The following PTPRC variants were observed in gnomAD, a reference collection of about 807,000 sequenced individuals.
PTPRC encodes the protein receptor-type tyrosine-protein phosphatase C.
In PTPRC, 44 loss-of-function variants were observed where a neutral mutation model predicts 155.9. The ratio of observed to expected loss-of-function variants is 0.28; its 90% CI spans 0.22 to 0.36. The LOEUF is 0.36. Ranked by LOEUF, PTPRC falls within the 10% of genes least tolerant of loss-of-function variation. PTPRC has a pLI of 1.00. For missense variants in PTPRC, 1,401 were observed against 1,564.6 expected (o/e 0.90, Z 1.76); for synonymous variants, 525 against 533.1 (o/e 0.98, Z 0.21).
intron 3 of PTPRC, chr1:198,692,682 G>T: frequency 7.5e-6 from 7 of 934,442 alleles, no homozygotes; most frequent in Non-Finnish European, 9.0e-6. Flanking sequence ...ATAAAAAAAT[G>T]CATTTAAATT....
rs1322727034 is a variant in PTPRC at position 198,703,364 on chromosome 1, C to T, written c.650C>T (p.Thr217Ile). ...TCTGGAAGCGCTGTCATTTCAACCA[C>T]AACAATAGGTGATATTACCCTCAGT... ...SPSGSAVISTTTIATTPSKPT... is the reference protein window; with the variant it reads ...SPSGSAVISTITIATTPSKPT... Residue 217 changes from threonine (T) to isoleucine (I), a missense_variant, in exon 7 of 33, where the codon ACA becomes ATA. Transcript: ENST00000442510. The T allele has an allele frequency of 6.2e-7, 1 of 1,612,896 alleles. No individual in the cohort carries two copies. Among genetic ancestry groups the T allele is most frequent in the South Asian group, 1.1e-5 (1 of 91,080 alleles).
intron 32 of PTPRC, among the ~76,000 whole-genome samples, chr1:198,755,309 A>G (rs1418395345): frequency 6.6e-6 from 1 of 152,094 alleles, no homozygotes; most frequent in Admixed American, 6.6e-5. Flanking sequence ...ATCCTTATTC[A>G]CAGTGTAAAC....
chr1:198,752,964 T>C (rs1246513344), intron 31 of PTPRC, among the ~76,000 whole-genome samples, 192 bp downstream of exon 31: 1 of 152,092 alleles, frequency 6.6e-6, no homozygotes, highest in African/African-American at 2.4e-5. Context: ...GATTATATTA[T>C]AGTGCAATAA....
At chr1:198,685,701 C>T (rs1184713472) in intron 2 of PTPRC, among the ~76,000 whole-genome samples, 2 of 152,028 alleles carry the variant, frequency 1.3e-5, no homozygotes, top group African/African-American at 4.8e-5. Flanking sequence ...GAAAGCCATA[C>T]ATATCTGTTT....
At position 198,749,635 on chromosome 1, in the gene PTPRC, TA is replaced by T; in HGVS notation, c.3072+90del. Reference sequence around the variant, plus strand: ...TAGGGCCATTCATTAAGCGATTTTATAAAAGAATAATGAGCTTGGTCATAAC... The same window carrying T: ...TAGGGCCATTCATTAAGCGATTTTATAAAGAATAATGAGCTTGGTCATAAC... On this transcript the variant is annotated intron_variant, in intron 28 of 32. Coordinates refer to ENST00000442510, the MANE Select transcript of PTPRC (RefSeq NM_002838.5). The T allele has an allele frequency of 1.9e-5, 25 of 1,330,702 alleles. No homozygotes were observed. In the South Asian group the frequency reaches 3.1e-4, roughly 16 times the overall value. The allele number at this position is 1,330,702 out of a possible 1,614,324, so 82.4% of individuals were successfully genotyped here. A position where few individuals can be genotyped will look rare whatever the true frequency, so the allele number is the denominator to read the frequency against.
At chr1:198,655,391 A>G (rs779665042) in intron 2 of PTPRC, among the ~76,000 whole-genome samples, 5 of 152,084 alleles carry the variant, frequency 3.3e-5, no homozygotes, top group Non-Finnish European at 5.9e-5. Context: ...GAAAATTGAA[A>G]CTCATAGATA....
intron 14 of PTPRC, among the ~76,000 whole-genome samples, chr1:198,721,449 C>T (rs1292673707): frequency 6.6e-6 from 1 of 151,968 alleles, no homozygotes; most frequent in South Asian, 2.1e-4. Context: ...TATCGTTTGT[C>T]ACTAATTTCT....
intron 2 of PTPRC, among the ~76,000 whole-genome samples, chr1:198,687,852 GT>G (rs1665717303): frequency 6.6e-6 from 1 of 151,964 alleles, no homozygotes; most frequent in East Asian, 1.9e-4. Context: ...TTTTAAAGTA[GT>G]TTTTAATTTA....
chr1:198,712,866 T>C, intron 11 of PTPRC, 87 bp from the exon 12 acceptor site: 1 of 1,339,652 alleles, frequency 7.5e-7, no homozygotes, highest in South Asian at 1.2e-5. Flanking sequence ...CAAAATATGG[T>C]TATCAATAAT....
rs1557979011 is a variant in PTPRC at position 198,665,079 on chromosome 1, C to CCTTTTTTTTTTTTTTTTTTTTT, written c.73+25738_73+25739insCTTTTTTTTTTTTTTTTTTTTT. On this transcript the variant is annotated intron_variant, in intron 2 of 32. Coordinates refer to ENST00000442510, the MANE Select transcript of PTPRC (RefSeq NM_002838.5). ...GAGTGTTTTTAGAACATCCCGGCAG[C>CCTTTTTTTTTTTTTTTTTTTTT]ATTTTTTTTTTTTTTTTTTTTTTTT... Among the ~76,000 whole-genome samples the CCTTTTTTTTTTTTTTTTTTTTT allele has an allele frequency of 2.0e-5, 2 of 102,244 alleles. 1 individual carries two copies. Among genetic ancestry groups the CCTTTTTTTTTTTTTTTTTTTTT allele is most frequent in the African/African-American group, 7.1e-5 (2 of 28,170 alleles). The allele number at this position is 102,244 out of a possible 152,430, so 67.1% of individuals were successfully genotyped here. A position where few individuals can be genotyped will look rare whatever the true frequency, so the allele number is the denominator to read the frequency against.
chr1:198,654,402 T>G (rs898270733), intron 2 of PTPRC, among the ~76,000 whole-genome samples: 7 of 151,894 alleles, frequency 4.6e-5, no homozygotes, highest in African/African-American at 9.7e-5. Context: ...GATTTCATTC[T>G]CTCACTTTAT....
In PTPRC at chr1:198,734,360, A is replaced by T; in HGVS notation, c.2212A>T (p.Arg738Trp). Residue 738 changes from arginine (R) to tryptophan (W), a missense_variant, in exon 22 of 33, where the codon AGG becomes TGG. Transcript: ENST00000442510. ...GGATGAAACTGTTGATGATTTCTGG[A>T]GGATGATTTGGGAACAGAAAGCCAC... Reference protein sequence around the residue: ...PRDETVDDFWRMIWEQKATVI... With the variant: ...PRDETVDDFWWMIWEQKATVI... 1 of 1,611,122 alleles carries T rather than the reference A, an allele frequency of 6.2e-7. No homozygotes were observed. The highest frequency in any genetic ancestry group is 8.5e-7 in the Non-Finnish European group (1 of 1,177,930).
chr1:198,691,507 A>G (rs556131887), intron 2 of PTPRC, among the ~76,000 whole-genome samples: 28 of 151,914 alleles, frequency 1.8e-4, no homozygotes, highest in African/African-American at 6.5e-4. Context: ...GTAGGACATC[A>G]TCTCTGTCTG....
At chr1:198,705,555 G>A (rs1305345242) in intron 8 of PTPRC, among the ~76,000 whole-genome samples, 1 of 150,848 alleles carries the variant, frequency 6.6e-6, no homozygotes, top group Non-Finnish European at 1.5e-5. Context: ...CAAGTAGCTG[G>A]GACTATAGGC....
chr1:198,739,287 AAT>A (rs1197447536), intron 23 of PTPRC, among the ~76,000 whole-genome samples: 1 of 93,906 alleles, frequency 1.1e-5, no homozygotes, highest in Admixed American at 9.8e-5. Context: ...AGAGTGGCTG[AAT>A]AGATATTAAT....
In PTPRC at chr1:198,644,809, C is replaced by T. The variant is rs570550891; in HGVS notation, c.73+5468C>T. Among the ~76,000 whole-genome samples, 4 of 151,568 alleles carry T rather than the reference C, an allele frequency of 2.6e-5. No individual in the cohort carries two copies. The South Asian group carries it at 6.2e-4, about 24-fold the overall frequency. ...TTTTATTAGAGATTTTAGTAGAGACCGAGCTTAAACAAATATATTCTATGG... is the reference window on the plus strand; with the variant it reads ...TTTTATTAGAGATTTTAGTAGAGACTGAGCTTAAACAAATATATTCTATGG... On this transcript the variant is annotated intron_variant, in intron 2 of 32. Coordinates refer to ENST00000442510, the MANE Select transcript of PTPRC (RefSeq NM_002838.5).
intron 2 of PTPRC, among the ~76,000 whole-genome samples, chr1:198,646,244 C>A (rs1662932720): frequency 6.6e-6 from 1 of 151,756 alleles, no homozygotes; most frequent in African/African-American, 2.4e-5. Context: ...TTAGCAGCAT[C>A]ACTTTCATTT....
At chr1:198,708,764 G>A (rs886730796) in intron 10 of PTPRC, among the ~76,000 whole-genome samples, 43 of 152,174 alleles carry the variant, frequency 2.8e-4, no homozygotes, top group Non-Finnish European at 1.2e-4. Context: ...TGCATCTAGG[G>A]ATATGTTTGG....
intron 16 of PTPRC, among the ~76,000 whole-genome samples, 168 bp from the exon 17 acceptor site, chr1:198,728,969 G>T (rs933223406): frequency 2.6e-5 from 4 of 151,456 alleles, no homozygotes; most frequent in African/African-American, 9.7e-5. Context: ...TCTGCTCAAG[G>T]CTCTTCCTCC....
Sources: gnomAD v4.1 joint callset for allele counts (sites outside exome capture counted in the v4.1 genomes callset) on GRCh38, gnomAD v4.1.1 for gene constraint, MANE v1.5 for transcripts, NCBI Gene and HGNC (gene_info 2026-07-23, HGNC 2026-07-21) for gene names.